Variants in NEBL observed in about 807,000 individuals in gnomAD.
NEBL encodes the protein LIM and SH3 protein 2.
NEBL carries 122 observed loss-of-function variants against 140.2 expected under a neutral mutation model. The observed-to-expected ratio is 0.87, with a 90% confidence interval of 0.75 to 1.01. The LOEUF (loss-of-function observed/expected upper bound fraction) is 1.01, where lower values mean the gene tolerates loss of function less well. Among genes scored for constraint, NEBL ranks in the 50% least tolerant of loss-of-function variants. The probability of loss-of-function intolerance (pLI) is 0.00; values close to 1 mark genes in which losing one functional copy is unlikely to be tolerated. For missense variants in NEBL, 1,365 were observed against 1,231.3 expected, an observed-to-expected ratio of 1.11 and a Z score of -1.62; for synonymous variants, 436 against 398.9, an observed-to-expected ratio of 1.09 and a Z score of -1.11.
intron 11 of NEBL, among the ~76,000 whole-genome samples, chr10:20,849,338 T>C (rs927873669): frequency 6.6e-6 from 1 of 152,182 alleles, no homozygotes; most frequent in East Asian, 1.9e-4. Context: ...ACACTCTTAA[T>C]TGTTTATTGA....
At chr10:21,219,866 T>A (rs1002642370) in intron 3 of NEBL, among the ~76,000 whole-genome samples, 1 of 151,978 alleles carries the variant, frequency 6.6e-6, no homozygotes, top group Non-Finnish European at 1.5e-5. Flanking sequence ...TTGGGTTTTT[T>A]TTTTTTTTTG....
intron 3 of NEBL, among the ~76,000 whole-genome samples, chr10:20,992,311 C>T (rs1282150967): frequency 1.3e-5 from 2 of 152,166 alleles, no homozygotes; most frequent in African/African-American, 4.8e-5. Flanking sequence ...TCTTGCCTCT[C>T]ACCAGGTTGA....
rs1170225891 is a variant in NEBL, at chr10:21,166,219, C to CAAAA, written c.164+6160_164+6163dup. Among the ~76,000 whole-genome samples the CAAAA allele has an allele frequency of 9.0e-4, 32 of 35,384 alleles. 1 individual carries two copies. The highest frequency in any genetic ancestry group is 2.2e-3 in the African/African-American group (27 of 12,086). 23.2% of individuals were successfully genotyped at this position (35,384 alleles called of 152,430 possible). ...TGGGCGACAGAGCGAGACTGTGTCT[C>CAAAA]AAAAAAAAAAAAAAAAAAAAAAAAA... On this transcript the variant is annotated intron_variant, in intron 2 of 6. Coordinates refer to the NEBL transcript ENST00000417816.
At chr10:21,141,071 A>AC (rs1370024022) in intron 2 of NEBL, among the ~76,000 whole-genome samples, 1 of 151,854 alleles carries the variant, frequency 6.6e-6, no homozygotes, top group East Asian at 1.9e-4. Flanking sequence ...AAAAAAAAAA[A>AC]AAACCTGCTC....
chr10:21,102,825 G>GTTTTAT (rs1325119239), intron 2 of NEBL, among the ~76,000 whole-genome samples: 4 of 151,744 alleles, frequency 2.6e-5, no homozygotes, highest in Non-Finnish European at 4.4e-5. Flanking sequence ...TTGTTTGTTT[G>GTTTTAT]TTTTATTTTT....
chr10:20,812,320 CT>C (rs1011356495), intron 24 of NEBL, among the ~76,000 whole-genome samples: 5 of 151,654 alleles, frequency 3.3e-5, no homozygotes, highest in African/African-American at 9.7e-5. Flanking sequence ...GAGGAACATT[CT>C]TTTTTTTATT....
intron 2 of NEBL, among the ~76,000 whole-genome samples, chr10:21,079,047 C>T (rs923871803): frequency 6.6e-6 from 1 of 152,198 alleles, no homozygotes; most frequent in Non-Finnish European, 1.5e-5. Context: ...ACAAATGGCA[C>T]AGCAAATGCC....
chr10:21,155,393 T>G lies in NEBL; in HGVS notation c.164+16990A>C, dbSNP rs540293127. Among the ~76,000 whole-genome samples the G allele has an allele frequency of 7.6e-4, 115 of 152,282 alleles. 2 individuals carry two copies. The South Asian group carries it at 0.022, about 29-fold the overall frequency. On this transcript the variant is annotated intron_variant, in intron 2 of 6. Coordinates refer to the NEBL transcript ENST00000417816. ...GGTCTTATTCATTCTAACTATTTTTTTGGTACCCATTAACATCCCCACCTC... is the reference window on the plus strand; with the variant it reads ...GGTCTTATTCATTCTAACTATTTTTGTGGTACCCATTAACATCCCCACCTC...
At chr10:21,024,192 C>CTA (rs953594636) in intron 2 of NEBL, among the ~76,000 whole-genome samples, 32 of 151,952 alleles carry the variant, frequency 2.1e-4, no homozygotes, top group African/African-American at 7.7e-4. Context: ...GGACTAGAAA[C>CTA]ATATAACAAT....
intron 3 of NEBL, among the ~76,000 whole-genome samples, chr10:21,236,126 T>G (rs1346825061): frequency 1.3e-5 from 2 of 152,202 alleles, no homozygotes; most frequent in African/African-American, 4.8e-5. Flanking sequence ...TAGCATTCAG[T>G]AATTCTTTCT....
intron 2 of NEBL, among the ~76,000 whole-genome samples, chr10:21,104,463 A>C (rs893153213): frequency 2.0e-5 from 3 of 152,156 alleles, no homozygotes; most frequent in Non-Finnish European, 1.5e-5. Context: ...CCTCAAATTT[A>C]TCCCCAGTAT....
intron 1 of NEBL, among the ~76,000 whole-genome samples, chr10:21,264,248 A>C (rs1038772997): frequency 1.3e-5 from 2 of 152,028 alleles, no homozygotes; most frequent in Non-Finnish European, 2.9e-5. Flanking sequence ...AGGGAGCTGG[A>C]AAGGCACAGC....
At chr10:20,955,216 G>A (rs1835735878) in intron 4 of NEBL, among the ~76,000 whole-genome samples, 1 of 152,150 alleles carries the variant, frequency 6.6e-6, no homozygotes, top group African/African-American at 2.4e-5. Flanking sequence ...AAACATAAAT[G>A]GAAAGAGACA....
chr10:20,810,651 T>A (rs1165073914), intron 24 of NEBL, among the ~76,000 whole-genome samples: 1 of 152,218 alleles, frequency 6.6e-6, no homozygotes, highest in East Asian at 1.9e-4. Flanking sequence ...TTTTAATAAC[T>A]TCTGAATTCA....
At chr10:21,119,704 C>T (rs947167936) in intron 2 of NEBL, among the ~76,000 whole-genome samples, 4 of 151,942 alleles carry the variant, frequency 2.6e-5, no homozygotes, top group Admixed American at 2.6e-4. Flanking sequence ...CTTATATATG[C>T]ATAATTATCA....
intron 3 of NEBL, among the ~76,000 whole-genome samples, chr10:21,227,711 TTTC>T (rs796306558): frequency 0.013 from 624 of 46,272 alleles, 19 homozygotes; most frequent in East Asian, 0.029. Flanking sequence ...CTTCTTCTTC[TTTC>T]TTCTTCTTCT....
intron 3 of NEBL, among the ~76,000 whole-genome samples, chr10:21,201,505 A>G (rs1198544247): frequency 2.6e-5 from 4 of 152,240 alleles, no homozygotes; most frequent in South Asian, 2.1e-4. Context: ...AGCTTATACA[A>G]TTTTGGAGTA....
chr10:21,131,438 A>G (rs1433561316), intron 2 of NEBL, among the ~76,000 whole-genome samples: 1 of 152,096 alleles, frequency 6.6e-6, no homozygotes, highest in African/African-American at 2.4e-5. Context: ...AATTGACCAT[A>G]TTGTATCCTC....
At chr10:20,806,108 A>G (rs1837593769) in intron 26 of NEBL, among the ~76,000 whole-genome samples, 1 of 152,190 alleles carries the variant, frequency 6.6e-6, no homozygotes, top group South Asian at 2.1e-4. Context: ...TGCTAGAAAT[A>G]ATTAGAAAAG....
Sources: gnomAD v4.1 joint callset for allele counts (sites outside exome capture counted in the v4.1 genomes callset) on GRCh38, gnomAD v4.1.1 for gene constraint, MANE v1.5 for transcripts, NCBI Gene and HGNC (gene_info 2026-07-23, HGNC 2026-07-21) for gene names.